Variants in UCHL1 observed in about 807,000 individuals in gnomAD.
UCHL1 encodes the protein ubiquitin C-terminal hydrolase L1.
UCHL1 carries 5 observed loss-of-function variants against 33.3 expected under a neutral mutation model. The observed-to-expected ratio is 0.15, with a 90% CI of 0.08 to 0.32. The LOEUF (loss-of-function observed/expected upper bound fraction) is 0.32, where lower values mean the gene tolerates loss of function less well. Ranked by LOEUF, UCHL1 falls within the 10% of genes least tolerant of loss-of-function variation. The probability of loss-of-function intolerance (pLI) is 1.00; values close to 1 mark genes in which losing one functional copy is unlikely to be tolerated. For synonymous variants in UCHL1, 132 were observed against 108.8 expected, an observed-to-expected ratio of 1.21 and a Z score of -1.33; for missense variants, 236 against 280.0, an observed-to-expected ratio of 0.84 and a Z score of 1.12.
intron 3 of UCHL1, among the ~76,000 whole-genome samples, chr4:41,260,341 C>T (rs913648372): frequency 6.6e-6 from 1 of 152,200 alleles, no homozygotes; most frequent in Non-Finnish European, 1.5e-5. Flanking sequence ...TTTCTGACTT[C>T]GTGACACCAT....
chr4:41,257,273 C>G (rs968992350), intron 2 of UCHL1, 147 bp downstream of exon 2: 1 of 1,280,192 alleles, frequency 7.8e-7, no homozygotes, highest in African/African-American at 1.5e-5. Context: ...GGGCGCCTTT[C>G]CTGGGCCCCT....
At chr4:41,265,302 G>A (rs1781133908) in intron 8 of UCHL1, among the ~76,000 whole-genome samples, 1 of 152,258 alleles carries the variant, frequency 6.6e-6, no homozygotes, top group Admixed American at 6.5e-5. Context: ...AGTCTGGCAA[G>A]GTGCAGTGGC....
intron 8 of UCHL1, among the ~76,000 whole-genome samples, chr4:41,265,158 A>T (rs1781131806): frequency 6.6e-6 from 1 of 152,154 alleles, no homozygotes; most frequent in Non-Finnish European, 1.5e-5. Flanking sequence ...GTTCTAGGTG[A>T]TCTACGTCTT....
rs770737600 is a variant in UCHL1 at position 41,260,639 on chromosome 4, A to G, written c.175-8A>G. On this transcript the variant is annotated splice_region_variant and splice_polypyrimidine_tract_variant and intron_variant, in intron 3 of 8. Coordinates refer to ENST00000284440, the MANE Select transcript of UCHL1 (RefSeq NM_004181.5). ...TCTGAGATGTAAAAACGCTTTTTAC[A>G]TTCGCAGCATGAGAACTTCAGGAAA... The G allele has an allele frequency of 1.7e-5, 28 of 1,614,226 alleles. No individual in the cohort carries two copies. The highest frequency in any genetic ancestry group is 1.9e-5 in the Non-Finnish European group (23 of 1,180,030).
chr4:41,262,367 G>A (rs1475142970), intron 6 of UCHL1, among the ~76,000 whole-genome samples: 1 of 152,104 alleles, frequency 6.6e-6, no homozygotes, highest in East Asian at 1.9e-4. Flanking sequence ...AATTGCTTGA[G>A]CCCTAGAGGC....
At chr4:41,261,029 C>T (rs903585269) in intron 4 of UCHL1, among the ~76,000 whole-genome samples, 6 of 152,106 alleles carry the variant, frequency 3.9e-5, no homozygotes, top group Non-Finnish European at 7.3e-5. Flanking sequence ...ATATTGAGGT[C>T]TTTTGAAATA....
chr4:41,258,957 A>G (rs917657266), intron 3 of UCHL1, among the ~76,000 whole-genome samples: 11 of 152,182 alleles, frequency 7.2e-5, no homozygotes, highest in Non-Finnish European at 1.5e-4. Flanking sequence ...TTTTTATTAG[A>G]GCAACCATGA....
intron 8 of UCHL1, chr4:41,264,412 C>G: frequency 1.8e-6 from 1 of 551,158 alleles, no homozygotes; most frequent in Non-Finnish European, 3.2e-6. Flanking sequence ...TTAGAATTAG[C>G]CTGAAAGCTG....
At chr4:41,261,443 G>A (rs144826075) in intron 4 of UCHL1, among the ~76,000 whole-genome samples, 14 of 152,180 alleles carry the variant, frequency 9.2e-5, no homozygotes, top group African/African-American at 3.4e-4. Context: ...GAGTGAGGTG[G>A]GAGGGAAAAA....
chr4:41,267,367 T>C (rs1469286463), intron 8 of UCHL1, among the ~76,000 whole-genome samples: 4 of 152,126 alleles, frequency 2.6e-5, no homozygotes, highest in Non-Finnish European at 1.5e-5. Flanking sequence ...CCTTAGCCTC[T>C]CAGAGTAGCT....
At chr4:41,259,402 A>G (rs1781035286) in intron 3 of UCHL1, among the ~76,000 whole-genome samples, 1 of 152,186 alleles carries the variant, frequency 6.6e-6, no homozygotes, top group Admixed American at 6.5e-5. Context: ...GTGCTATCCC[A>G]TTTTAACATT....
chr4:41,264,482 G>C, intron 8 of UCHL1: 1 of 420,634 alleles, frequency 2.4e-6, no homozygotes, highest in Non-Finnish European at 4.4e-6. Flanking sequence ...TTACATCATA[G>C]CTAAAGACTC....
At position 41,261,863 on chromosome 4, in the gene UCHL1, CT is replaced by C. The variant is rs753050379; in HGVS notation, c.412-7del. 1 of 1,614,030 alleles carries C rather than the reference CT, an allele frequency of 6.2e-7. No individual in the cohort carries two copies. Among genetic ancestry groups the C allele is most frequent in the East Asian group, 2.2e-5 (1 of 44,882 alleles). On this transcript the variant is annotated splice_polypyrimidine_tract_variant and intron_variant, in intron 5 of 8. Transcript: ENST00000284440. ...TAGAGATTTTTGTGCTAATTATTTT[CT>C]TTTTTCCGCAGGCCATACAGGCAGC...
intron 6 of UCHL1, among the ~76,000 whole-genome samples, chr4:41,262,851 G>A (rs557794533): frequency 2.6e-5 from 4 of 152,194 alleles, no homozygotes; most frequent in African/African-American, 9.6e-5. Flanking sequence ...CAAGTGATCT[G>A]CCTGCCTCAG....
intron 3 of UCHL1, 43 bp downstream of exon 3, chr4:41,257,780 C>A (rs1465392670): frequency 6.5e-7 from 1 of 1,537,526 alleles, no homozygotes; most frequent in Non-Finnish European, 8.7e-7. Context: ...CGGCAGTGCA[C>A]GCCGCTCCCC....
At chr4:41,259,669 T>G (rs541436533) in intron 3 of UCHL1, among the ~76,000 whole-genome samples, 2 of 152,324 alleles carry the variant, frequency 1.3e-5, no homozygotes, top group East Asian at 3.9e-4. Context: ...AATCAGTGTT[T>G]CTATAGTGTT....
Position 41,257,632 on chromosome 4 carries a change from C to T in UCHL1, c.69C>T (p.Ala23=), listed in dbSNP as rs753720793. The T allele has an allele frequency of 1.5e-4, 233 of 1,556,752 alleles. No individual in the cohort carries two copies. The highest frequency in any genetic ancestry group is 2.3e-4 in the Admixed American group (12 of 53,016). ...LNKVLSRLGV[A]GQWRFVDVLG... ...AGGTGCTGTCCCGGCTGGGGGTCGC[C>T]GGCCAGTGGCGCTTCGTGGACGTGC... The change falls in exon 3 of 9, where the codon GCC becomes GCT. Residue 23 remains alanine (A), a synonymous_variant. Coordinates refer to ENST00000284440, the MANE Select transcript of UCHL1 (RefSeq NM_004181.5).
rs917125455 is a variant in UCHL1 at position 41,263,271 on chromosome 4, A to G, written c.506A>G (p.Asp169Gly). The change falls in exon 7 of 9, where the codon GAT becomes GGT. Residue 169 changes from aspartate (D) to glycine (G), a missense_variant. Coordinates refer to ENST00000284440, the MANE Select transcript of UCHL1 (RefSeq NM_004181.5). ...CATTTTATTCTGTTTAACAACGTGG[A>G]TGGCCACCTCTATGAACTTGGTATG... is the stretch of plus-strand genomic sequence containing the variant. ...NFHFILFNNV[D>G]GHLYELDGRM... 3 of 1,613,988 alleles carry G rather than the reference A, an allele frequency of 1.9e-6. No individual in the cohort carries two copies. The highest frequency in any genetic ancestry group is 1.3e-5 in the African/African-American group (1 of 74,926).
chr4:41,264,185 C>T (rs187373220), intron 8 of UCHL1, 24 bp downstream of exon 8: 571 of 1,614,024 alleles, frequency 3.5e-4, no homozygotes, highest in South Asian at 2.2e-4. Flanking sequence ...TGCATCTCTT[C>T]TTAATGTGCC....
Sources: allele counts gnomAD v4.1 joint callset (sites outside exome capture counted in the v4.1 genomes callset), GRCh38; gene constraint gnomAD v4.1.1; transcripts MANE v1.5; gene names NCBI Gene and HGNC (gene_info 2026-07-23, HGNC 2026-07-21).